FBXO41: variants seen among roughly 807,000 people sequenced by gnomAD.
FBXO41 encodes the protein F-box protein 41, also known as F-box only protein 41.
Under a neutral mutation model 81.6 loss-of-function variants are expected in FBXO41, and 33 were observed. The ratio of observed to expected loss-of-function variants is 0.40; its 90% CI spans 0.31 to 0.54. The LOEUF (loss-of-function observed/expected upper bound fraction) is 0.54, where lower values mean the gene tolerates loss of function less well. Among genes scored for constraint, FBXO41 ranks in the 20% least tolerant of loss-of-function variants. The probability of loss-of-function intolerance (pLI) is 0.39; values close to 1 mark genes in which losing one functional copy is unlikely to be tolerated. For synonymous variants in FBXO41, 576 were observed against 552.7 expected, an observed-to-expected ratio of 1.04 and a Z score of -0.59; for missense variants, 1,107 against 1,236.0, an observed-to-expected ratio of 0.90 and a Z score of 1.56.
rs887468497 is a variant in FBXO41 at position 73,265,636 on chromosome 2, A to G, written c.1210T>C (p.Ser404Pro). Residue 404 changes from serine (S) to proline (P), a missense_variant, in exon 5 of 13, where the codon TCC (serine) becomes CCC (proline). Physicochemically the swap from Ser to Pro is moderately conservative, Grantham distance 74. Coordinates refer to ENST00000520530, the MANE Select transcript of FBXO41 (RefSeq NM_001371389.2). ...TGGGATGCGGCTGGCACACGGCTGG[A>G]GGCCCTGGGGCAGGGTGGACCACAC... The part of the protein sequence containing the change: ...RHGSSPSTGA[S>P]SRVPAASQSS... 3.3e-6 allele frequency: 5 copies of G among 1,510,324 alleles called. No individual in the cohort carries two copies. Among genetic ancestry groups the G allele is most frequent in the South Asian group, 2.7e-5 (2 of 73,716 alleles). The allele number at this position is 1,510,324 out of a possible 1,614,324, so 93.6% of individuals were successfully genotyped here. A position where few individuals can be genotyped will look rare whatever the true frequency, so the allele number is the denominator to read the frequency against.
rs115230706 is a variant in FBXO41 at position 73,261,770 on chromosome 2, C to T, written c.2172-912G>A. 6.6e-5 allele frequency among the ~76,000 whole-genome samples: 10 copies of T among 152,318 alleles called. No homozygotes were observed. In the South Asian group the frequency reaches 8.3e-4, roughly 13 times the overall value. On this transcript the variant is annotated intron_variant, in intron 9 of 12. Transcript: ENST00000520530. ...TTTCCTTTCCATTCACACCAAATGC[C>T]ATTTCCCTAAACATTTCAACCCTCA...
chr2:73,283,947 G>A (rs1574395996), intron 1 of FBXO41, among the ~76,000 whole-genome samples: 1 of 151,998 alleles, frequency 6.6e-6, no homozygotes, highest in South Asian at 2.1e-4. Context: ...GGGAGGGGAA[G>A]CCTGGTCTCG....
chr2:73,264,161 C>T (rs1375538057), intron 6 of FBXO41, 108 bp from the exon 7 acceptor site: 3 of 1,561,940 alleles, frequency 1.9e-6, no homozygotes, highest in Admixed American at 1.9e-5. Flanking sequence ...TCAGGGAAGC[C>T]AGGTTGGCAT....
chr2:73,279,908 T>C (rs1407995213), intron 1 of FBXO41, among the ~76,000 whole-genome samples: 3 of 152,206 alleles, frequency 2.0e-5, no homozygotes, highest in Non-Finnish European at 2.9e-5. Flanking sequence ...GTATAACAAT[T>C]CTTTTTTAAA....
chr2:73,266,018 G>A lies in FBXO41; in HGVS notation c.1132-52C>T, dbSNP rs1198211256. The A allele has an allele frequency of 6.7e-7, 1 of 1,500,128 alleles. No homozygotes were observed. Among genetic ancestry groups the A allele is most frequent in the Non-Finnish European group, 9.1e-7 (1 of 1,101,160 alleles). The allele number at this position is 1,500,128 out of a possible 1,614,324, so 92.9% of individuals were successfully genotyped here. A position where few individuals can be genotyped will look rare whatever the true frequency, so the allele number is the denominator to read the frequency against. On this transcript the variant is annotated intron_variant, in intron 3 of 12. Transcript: ENST00000520530. This position sits in a 1 kb window ranked among gnomAD's most constrained non-coding sequence, Gnocchi z 5.3. ...AGGAGAGGGGCGGAGGAGGCAAGAG[G>A]ATGAGCAGGAATAGCAGGGGAAACA... is the stretch of plus-strand genomic sequence containing the variant.
At chr2:73,265,167 AAGGGCGCTATGT>A in intron 5 of FBXO41, 103 bp downstream of exon 5, 1 of 985,356 alleles carries the variant, frequency 1.0e-6, no homozygotes, top group Non-Finnish European at 1.5e-6. Flanking sequence ...CCCAGGCTTG[AAGGGCGCTATGT>A]AGGAGGGGTG....
rs965451036 is a variant in FBXO41, at chr2:73,284,299, G to A, written c.-278C>T. On this transcript the variant is annotated 5_prime_UTR_variant, in exon 1 of 13. Transcript: ENST00000520530. The surrounding 1 kb of genome is among the most constrained non-coding windows in gnomAD (Gnocchi z 7.4). ...CTCCGCAGCCTTGGGTGGCCGCCGCGGCTAGCGCCCCCGCCTCCCTCTCGG... is the reference window on the plus strand; with the variant it reads ...CTCCGCAGCCTTGGGTGGCCGCCGCAGCTAGCGCCCCCGCCTCCCTCTCGG... The A allele has an allele frequency of 6.6e-6, 1 of 152,092 alleles. No individual in the cohort carries two copies. Among genetic ancestry groups the A allele is most frequent in the African/African-American group, 2.4e-5 (1 of 41,430 alleles). The allele number at this position is 152,092 out of a possible 1,614,324, so 9.4% of individuals were successfully genotyped here. A position where few individuals can be genotyped will look rare whatever the true frequency, so the allele number is the denominator to read the frequency against.
chr2:73,269,333 G>A lies in FBXO41; in HGVS notation c.298C>T (p.Pro100Ser), dbSNP rs944301444. Reference protein sequence around the residue: ...QGKEQAAGPSPAAPHLLHHHH... With the variant: ...QGKEQAAGPSSAAPHLLHHHH... ...TGGTGCAGCAGGTGCGGCGCCGCGG[G>A]CGACGGCCCGGCCGCCTGCTCCTTG... Residue 100 changes from proline to serine, a missense_variant, in exon 2 of 13, where the codon CCC becomes TCC. Pro to Ser is a moderately conservative substitution (Grantham distance 74). Around this residue, in one of 2 missense-constraint regions of FBXO41, gnomAD observed 771 missense variants for 789.2 expected, o/e 0.98. Transcript: ENST00000520530. The surrounding 1 kb of genome is among the most constrained non-coding windows in gnomAD (Gnocchi z 7.0). 8.5e-6 allele frequency: 13 copies of A among 1,522,414 alleles called. No individual in the cohort carries two copies. The African/African-American group carries it at 1.9e-4, about 22-fold the overall frequency. 94.3% of individuals were successfully genotyped at this position (1,522,414 alleles called of 1,614,324 possible). A position where few individuals can be genotyped will look rare whatever the true frequency, so the allele number is the denominator to read the frequency against.
chr2:73,262,037 A>G (rs1688037924), intron 9 of FBXO41, among the ~76,000 whole-genome samples: 1 of 152,208 alleles, frequency 6.6e-6, no homozygotes, highest in Non-Finnish European at 1.5e-5. Flanking sequence ...AGGCTGGCCA[A>G]CATGGTGAAA....
chr2:73,259,166 G>A lies in FBXO41; in HGVS notation c.2565+15C>T. 6.2e-7 allele frequency: 1 copy of A among 1,613,636 alleles called. No homozygotes were observed. The highest frequency in any genetic ancestry group is 8.5e-7 in the Non-Finnish European group (1 of 1,179,528). ...CCACTTGGGGTCTTGGACAGCCTCA[G>A]AGCTGACCCCTCACCTGGAGTTTTG... On this transcript the variant is annotated intron_variant, in intron 12 of 12. Coordinates refer to ENST00000520530, the MANE Select transcript of FBXO41 (RefSeq NM_001371389.2). The surrounding 1 kb of genome is among the most constrained non-coding windows in gnomAD (Gnocchi z 4.2).
At chr2:73,271,039 C>CACCGAGAT in intron 1 of FBXO41, 1 of 428,820 alleles carries the variant, frequency 2.3e-6, no homozygotes, top group Admixed American at 2.5e-5. Context: ...TTGCTGCCTT[C>CACCGAGAT]CTAAACGTCC....
Position 73,266,863 on chromosome 2 carries a change from A to C in FBXO41, c.906-181T>G. ...GCCCCGCACGATGACACATACAGAA[A>C]TGCATGCATGCACTCCGAGCCACAC... is the stretch of plus-strand genomic sequence containing the variant. On this transcript the variant is annotated intron_variant, in intron 2 of 12. Coordinates refer to ENST00000520530, the MANE Select transcript of FBXO41 (RefSeq NM_001371389.2). The surrounding 1 kb of genome is among the most constrained non-coding windows in gnomAD (Gnocchi z 5.3). 1.1e-6 allele frequency: 1 copy of C among 926,180 alleles called. No homozygotes were observed. Among genetic ancestry groups the C allele is most frequent in the Non-Finnish European group, 1.5e-6 (1 of 679,440 alleles). The allele number at this position is 926,180 out of a possible 1,614,324, so 57.4% of individuals were successfully genotyped here. A position where few individuals can be genotyped will look rare whatever the true frequency, so the allele number is the denominator to read the frequency against.
In FBXO41 at chr2:73,265,479, G is replaced by A; in HGVS notation, c.1367C>T (p.Pro456Leu). Residue 456 changes from proline to leucine, a missense_variant, in exon 5 of 13, where the codon CCC becomes CTC. Pro to Leu is a moderately conservative substitution (Grantham distance 98). Coordinates refer to ENST00000520530, the MANE Select transcript of FBXO41 (RefSeq NM_001371389.2). Reference sequence around the variant, plus strand: ...GCGCCGCAGGCCTGAGCTGCGAGGGGGCTGGGACCGCTCTGAGCCCCCGTT... The same window carrying A: ...GCGCCGCAGGCCTGAGCTGCGAGGGAGCTGGGACCGCTCTGAGCCCCCGTT... ...AANGGSERSQ[P>L]PRSSGLRRQA... The A allele has an allele frequency of 6.2e-7, 1 of 1,602,222 alleles. No individual in the cohort carries two copies. The highest frequency in any genetic ancestry group is 8.5e-7 in the Non-Finnish European group (1 of 1,177,680).
intron 1 of FBXO41, among the ~76,000 whole-genome samples, chr2:73,281,747 A>C (rs142384160): frequency 2.3e-4 from 35 of 152,386 alleles, no homozygotes; most frequent in African/African-American, 7.5e-4. Context: ...ACAGCCACAG[A>C]CACAGTCACA....
chr2:73,283,295 C>A (rs1486666886), intron 1 of FBXO41, among the ~76,000 whole-genome samples: 1 of 152,190 alleles, frequency 6.6e-6, no homozygotes, highest in African/African-American at 2.4e-5. Context: ...TGTATACCTC[C>A]CAGAGTAGTC....
chr2:73,261,669 A>C (rs888642938), intron 9 of FBXO41, among the ~76,000 whole-genome samples: 1 of 152,206 alleles, frequency 6.6e-6, no homozygotes, highest in Non-Finnish European at 1.5e-5. Flanking sequence ...ATCCCGCCAA[A>C]TAGCTTCCAA....
intron 5 of FBXO41, 34 bp downstream of exon 5, chr2:73,265,248 C>T: frequency 6.4e-7 from 1 of 1,553,078 alleles, no homozygotes; most frequent in Non-Finnish European, 8.7e-7. Flanking sequence ...CTGCCTCAGA[C>T]CTGTGTCCCC....
intron 1 of FBXO41, among the ~76,000 whole-genome samples, chr2:73,276,559 T>TGAGA (rs1688685941): frequency 2.8e-4 from 21 of 75,740 alleles, no homozygotes; most frequent in African/African-American, 8.7e-4. Context: ...GCAAATCTAT[T>TGAGA]CAGAGAGAGA....
chr2:73,269,293 G>C lies in FBXO41; in HGVS notation c.338C>G (p.Ala113Gly), dbSNP rs1408486187. The change falls in exon 2 of 13, where the codon GCT becomes GGT. Residue 113 changes from alanine to glycine, a missense_variant. This residue lies in a region of FBXO41 where 771 missense variants were observed against 789.2 expected (regional missense o/e 0.98). Transcript: ENST00000520530. The surrounding 1 kb of genome is among the most constrained non-coding windows in gnomAD (Gnocchi z 7.0). ...PHLLHHHHHH[A>G]PLAHFPGDLV... is the part of the protein sequence containing the mutation. ...GTCGCCGGGGAAGTGGGCGAGGGGA[G>C]CGTGGTGATGGTGGTGGTGCAGCAG... 3 of 1,530,728 alleles carry C rather than the reference G, an allele frequency of 2.0e-6. No homozygotes were observed. The highest frequency in any genetic ancestry group is 4.0e-5 in the Admixed American group (2 of 49,748). The allele number at this position is 1,530,728 out of a possible 1,614,324, so 94.8% of individuals were successfully genotyped here.
Sources: gnomAD v4.1 joint callset for allele counts (sites outside exome capture counted in the v4.1 genomes callset) on GRCh38, gnomAD v4.1.1 for gene constraint, gnomAD v4.1.1 regional missense constraint, Gnocchi (gnomAD v3.1) non-coding constraint, MANE v1.5 for transcripts, NCBI Gene and HGNC (gene_info 2026-07-23, HGNC 2026-07-21) for gene names.